The following RAPGEF6 variants were observed in gnomAD, a reference collection of about 807,000 sequenced individuals.
RAPGEF6 encodes PDZ domain containing guanine nucleotide exchange factor (GEF) 2.
RAPGEF6 carries 56 observed loss-of-function variants against 171.4 expected under a neutral mutation model. The observed-to-expected ratio is 0.33, with a 90% CI of 0.26 to 0.41. The LOEUF (loss-of-function observed/expected upper bound fraction) is 0.41. RAPGEF6 is among the 10% of genes least tolerant of loss of function. The pLI is 1.00. For missense variants in RAPGEF6, 1,674 were observed against 1,921.4 expected, an observed-to-expected ratio of 0.87 and a Z score of 2.41; for synonymous variants, 692 against 650.1, an observed-to-expected ratio of 1.06 and a Z score of -0.98.
At chr5:131,610,903 G>A (rs1239319129) in intron 1 of RAPGEF6, among the ~76,000 whole-genome samples, 1 of 152,150 alleles carries the variant, frequency 6.6e-6, no homozygotes, top group Non-Finnish European at 1.5e-5. Flanking sequence ...CCAAACTACA[G>A]GGAGTGTATT....
At chr5:131,539,577 C>A (rs1759997551) in intron 6 of RAPGEF6, among the ~76,000 whole-genome samples, 1 of 152,152 alleles carries the variant, frequency 6.6e-6, no homozygotes, top group Non-Finnish European at 1.5e-5. Flanking sequence ...ATAAGACACA[C>A]ATACACACAC....
chr5:131,468,409 A>C (rs913562438), intron 17 of RAPGEF6, among the ~76,000 whole-genome samples: 3 of 152,060 alleles, frequency 2.0e-5, no homozygotes, highest in African/African-American at 7.2e-5. Context: ...TAATAGGTAA[A>C]TAAATTAAAT....
chr5:131,444,576 G>GATT (rs1420929111), intron 22 of RAPGEF6, among the ~76,000 whole-genome samples: 1 of 152,144 alleles, frequency 6.6e-6, no homozygotes, highest in Non-Finnish European at 1.5e-5. Context: ...GCATTATAAA[G>GATT]ATGCTCAAAC....
chr5:131,627,561 A>C (rs552740052), intron 1 of RAPGEF6, among the ~76,000 whole-genome samples: 1 of 152,332 alleles, frequency 6.6e-6, no homozygotes, highest in African/African-American at 2.4e-5. Flanking sequence ...TAAAAAAAGG[A>C]ACGTTATAAA....
chr5:131,577,184 G>A lies in RAPGEF6; in HGVS notation c.282-15137C>T, dbSNP rs114027375. ...TGACCTTCCCACCTCTATACAGTCC[G>A]ATAACGGACCGGCCTTCATTAGTCA... On this transcript the variant is annotated intron_variant, in intron 4 of 27. Transcript: ENST00000509018. 4.1e-3 allele frequency among the ~76,000 whole-genome samples: 627 copies of A among 152,226 alleles called. 9 individuals carry two copies. The highest frequency in any genetic ancestry group is 0.014 in the African/African-American group (594 of 41,528).
chr5:131,513,355 A>G (rs933488178), intron 7 of RAPGEF6, among the ~76,000 whole-genome samples: 1 of 152,166 alleles, frequency 6.6e-6, no homozygotes, highest in East Asian at 1.9e-4. Flanking sequence ...TATTTTATCA[A>G]TTTTTAAGTG....
intron 1 of RAPGEF6, among the ~76,000 whole-genome samples, chr5:131,613,682 C>T (rs1009123984): frequency 1.3e-5 from 2 of 152,052 alleles, no homozygotes; most frequent in Non-Finnish European, 2.9e-5. Context: ...GCTCCTGAAA[C>T]ATATGGTCAA....
intron 5 of RAPGEF6, among the ~76,000 whole-genome samples, chr5:131,549,653 C>T (rs996922699): frequency 7.2e-5 from 11 of 151,842 alleles, no homozygotes; most frequent in African/African-American, 2.2e-4. Flanking sequence ...AACGTCCAGC[C>T]TGGGCAACAC....
intron 6 of RAPGEF6, among the ~76,000 whole-genome samples, chr5:131,524,017 T>A (rs984661835): frequency 2.0e-5 from 3 of 151,920 alleles, no homozygotes; most frequent in Non-Finnish European, 4.4e-5. Flanking sequence ...TTGAGTGATA[T>A]CTCCAAGAGC....
At chr5:131,579,339 A>G (rs181664531) in intron 4 of RAPGEF6, among the ~76,000 whole-genome samples, 3 of 152,342 alleles carry the variant, frequency 2.0e-5, no homozygotes, top group African/African-American at 4.8e-5. Flanking sequence ...AAGTTTCCAC[A>G]GTGTGGAAGG....
chr5:131,618,660 A>G (rs1389972131), intron 1 of RAPGEF6, among the ~76,000 whole-genome samples: 3 of 152,184 alleles, frequency 2.0e-5, no homozygotes, highest in Non-Finnish European at 4.4e-5. Context: ...AAAGAAAATT[A>G]TCACTTTGTA....
At chr5:131,514,659 TAAG>T (rs1288966619) in intron 7 of RAPGEF6, among the ~76,000 whole-genome samples, 2 of 151,790 alleles carry the variant, frequency 1.3e-5, no homozygotes, top group African/African-American at 4.8e-5. Flanking sequence ...ATATAAACTG[TAAG>T]AAGAATAAAT....
intron 11 of RAPGEF6, among the ~76,000 whole-genome samples, chr5:131,499,265 C>T (rs1196323879): frequency 2.0e-5 from 3 of 152,128 alleles, no homozygotes; most frequent in Non-Finnish European, 2.9e-5. Flanking sequence ...GTTTTAAATG[C>T]TTGTTTCCAA....
chr5:131,499,947 G>A (rs923452108), intron 11 of RAPGEF6, among the ~76,000 whole-genome samples: 1 of 152,162 alleles, frequency 6.6e-6, no homozygotes, highest in Non-Finnish European at 1.5e-5. Context: ...CGCCCAGGCT[G>A]GAGTGCCGCT....
chr5:131,625,135 A>G (rs1765828133), intron 1 of RAPGEF6, among the ~76,000 whole-genome samples: 1 of 152,122 alleles, frequency 6.6e-6, no homozygotes, highest in Non-Finnish European at 1.5e-5. Flanking sequence ...GGTAGCAGGC[A>G]TCTGTAATCC....
At chr5:131,589,658 G>T (rs1479885349) in intron 4 of RAPGEF6, among the ~76,000 whole-genome samples, 1 of 152,238 alleles carries the variant, frequency 6.6e-6, no homozygotes, top group Admixed American at 6.5e-5. Flanking sequence ...TGATAAGGAT[G>T]AGAATTGTGT....
rs112943002 is a variant in RAPGEF6 at position 131,517,749 on chromosome 5, C to T, written c.627+3641G>A. Among the ~76,000 whole-genome samples, 413 of 142,654 alleles carry T rather than the reference C, an allele frequency of 2.9e-3. 5 individuals carry two copies. The highest frequency in any genetic ancestry group is 9.7e-3 in the African/African-American group (385 of 39,624). 93.6% of individuals were successfully genotyped at this position (142,654 alleles called of 152,430 possible). A position where few individuals can be genotyped will look rare whatever the true frequency, so the allele number is the denominator to read the frequency against. On this transcript the variant is annotated intron_variant, in intron 7 of 27. Coordinates refer to ENST00000509018, the MANE Select transcript of RAPGEF6 (RefSeq NM_016340.6). ...ATTTAATTCTTCTCCTTGTTTATTC[C>T]CGAGGATCTGATTGGAAACATTCGC...
At chr5:131,591,862 T>C (rs1763611175) in intron 4 of RAPGEF6, among the ~76,000 whole-genome samples, 1 of 152,034 alleles carries the variant, frequency 6.6e-6, no homozygotes, top group African/African-American at 2.4e-5. Context: ...TAAAACTAAT[T>C]TTTTTTTCTT....
At chr5:131,459,736 T>G (rs548205526) in intron 19 of RAPGEF6, among the ~76,000 whole-genome samples, 1 of 152,168 alleles carries the variant, frequency 6.6e-6, no homozygotes, top group Non-Finnish European at 1.5e-5. Context: ...TTAAAAAAAT[T>G]AGCCAAGGTG....
Sources: allele counts gnomAD v4.1 joint callset (sites outside exome capture counted in the v4.1 genomes callset), GRCh38; gene constraint gnomAD v4.1.1; transcripts MANE v1.5; gene names NCBI Gene and HGNC (gene_info 2026-07-23, HGNC 2026-07-21).